Variants in DAB1 observed in about 807,000 individuals in gnomAD.
DAB1 encodes disabled homolog 1.
A neutral mutation model predicts 64.6 loss-of-function variants in DAB1; 15 were observed. The ratio of observed to expected loss-of-function variants is 0.23; its 90% CI spans 0.16 to 0.36. The LOEUF is 0.36. Among genes scored for constraint, DAB1 ranks in the 10% least tolerant of loss-of-function variants. The probability of loss-of-function intolerance (pLI) is 1.00; values close to 1 mark genes in which losing one functional copy is unlikely to be tolerated. For synonymous variants in DAB1, 235 were observed against 251.9 expected, an observed-to-expected ratio of 0.93 and a Z score of 0.64; for missense variants, 596 against 706.7, an observed-to-expected ratio of 0.84 and a Z score of 1.78.
At chr1:58,460,296 G>C (rs1645230854) in intron 3 of DAB1, among the ~76,000 whole-genome samples, 1 of 152,220 alleles carries the variant, frequency 6.6e-6, no homozygotes. Context: ...ATCTGTGGTA[G>C]AGATGCACAC....
intron 3 of DAB1, among the ~76,000 whole-genome samples, chr1:58,482,752 C>A (rs541600769): frequency 2.6e-5 from 4 of 152,132 alleles, no homozygotes; most frequent in Admixed American, 2.6e-4. Context: ...AAAAATCATT[C>A]CAAGAGGGAG....
At chr1:58,062,326 G>T (rs1648553446) in intron 5 of DAB1, among the ~76,000 whole-genome samples, 1 of 152,172 alleles carries the variant, frequency 6.6e-6, no homozygotes. Context: ...TAAGTAGTAA[G>T]ACAAGAATTA....
chr1:57,094,522 C>A (rs759519152), intron 4 of DAB1, among the ~76,000 whole-genome samples: 7 of 152,124 alleles, frequency 4.6e-5, no homozygotes, highest in Non-Finnish European at 1.5e-5. Context: ...AGGGAGGAGG[C>A]GAAGGGGGGA....
intron 12 of DAB1, among the ~76,000 whole-genome samples, chr1:57,013,961 C>CA (rs1646342829): frequency 1.3e-5 from 2 of 152,186 alleles, no homozygotes; most frequent in Non-Finnish European, 2.9e-5. Context: ...AAAACTGAGT[C>CA]TCAGAGAAGT....
chr1:58,489,989 G>A lies in DAB1; in HGVS notation n.257+16071C>T, dbSNP rs367613606. On this transcript the variant is annotated intron_variant and non_coding_transcript_variant, in intron 3 of 20. Coordinates refer to the DAB1 transcript ENST00000485760. Reference sequence around the variant, plus strand: ...AAGGTAGATAAAACCATAAAGATGGGGAAAAAACAGAGCAGAAAAACTGAA... The same window carrying A: ...AAGGTAGATAAAACCATAAAGATGGAGAAAAAACAGAGCAGAAAAACTGAA... 1.1e-4 allele frequency among the ~76,000 whole-genome samples: 17 copies of A among 152,218 alleles called. No homozygotes were observed. In the East Asian group the frequency reaches 3.1e-3, roughly 28 times the overall value.
chr1:58,170,190 C>T (rs752280571), intron 4 of DAB1, among the ~76,000 whole-genome samples: 11 of 152,202 alleles, frequency 7.2e-5, no homozygotes, highest in Middle Eastern at 3.4e-3. Context: ...ACTGGGACCT[C>T]GACTCAGATC....
chr1:57,008,107 C>T (rs1213186142), intron 14 of DAB1, among the ~76,000 whole-genome samples: 1 of 152,154 alleles, frequency 6.6e-6, no homozygotes, highest in East Asian at 1.9e-4. Context: ...TACAGTCCAG[C>T]CCTCCTCTGG....
rs752836786 is a variant in DAB1, at chr1:57,441,290, CT to C, written n.626-150125del. ...TTTCTTTCTCTTTCTTTCTTTCTTT[CT>C]TTCTTTCTTTCTTTCTTTCTTTCTT... On this transcript the variant is annotated intron_variant and non_coding_transcript_variant, in intron 7 of 20. Transcript: ENST00000485760. Among the ~76,000 whole-genome samples the C allele has an allele frequency of 9.6e-4, 27 of 28,134 alleles. 1 individual carries two copies. Among genetic ancestry groups the C allele is most frequent in the East Asian group, 8.1e-3 (9 of 1,114 alleles). The allele number at this position is 28,134 out of a possible 152,430, so 18.5% of individuals were successfully genotyped here. A position where few individuals can be genotyped will look rare whatever the true frequency, so the allele number is the denominator to read the frequency against.
chr1:58,198,661 C>T (rs1657825904), intron 4 of DAB1, among the ~76,000 whole-genome samples: 1 of 152,158 alleles, frequency 6.6e-6, no homozygotes, highest in Non-Finnish European at 1.5e-5. Context: ...GACATATGAC[C>T]CAGCCTGGCC....
chr1:58,243,937 A>C (rs907401589), intron 4 of DAB1, among the ~76,000 whole-genome samples: 19 of 152,074 alleles, frequency 1.2e-4, no homozygotes, highest in South Asian at 4.1e-4. Flanking sequence ...TTGACAATGA[A>C]AAAAAAACAC....
intron 3 of DAB1, among the ~76,000 whole-genome samples, chr1:58,442,179 G>T (rs1645018402): frequency 6.6e-6 from 1 of 152,214 alleles, no homozygotes; most frequent in Non-Finnish European, 1.5e-5. Context: ...ACGTATGTGT[G>T]CATGAATGCA....
intron 6 of DAB1, among the ~76,000 whole-genome samples, chr1:57,706,708 T>C (rs1352246554): frequency 6.6e-6 from 1 of 152,074 alleles, no homozygotes; most frequent in East Asian, 1.9e-4. Context: ...ACCAGGAAAT[T>C]TGTGCACTAG....
chr1:57,555,610 T>TG (rs1381155210), intron 7 of DAB1, among the ~76,000 whole-genome samples: 2 of 152,172 alleles, frequency 1.3e-5, no homozygotes, highest in African/African-American at 4.8e-5. Flanking sequence ...CTGTGCTCAC[T>TG]CTGGGCTCAG....
chr1:57,641,172 G>C (rs769749253), intron 7 of DAB1, among the ~76,000 whole-genome samples: 1 of 152,078 alleles, frequency 6.6e-6, no homozygotes, highest in Middle Eastern at 3.2e-3. Context: ...TGGGAGTGGA[G>C]GTGGGATGGG....
chr1:57,847,541 G>C (rs547566153), intron 1 of DAB1, among the ~76,000 whole-genome samples: 1 of 152,008 alleles, frequency 6.6e-6, no homozygotes, highest in Non-Finnish European at 1.5e-5. Flanking sequence ...GAGAGAAAAG[G>C]GGAATTGGTG....
chr1:57,264,999 G>T (rs1331032892), intron 2 of DAB1, among the ~76,000 whole-genome samples: 2 of 152,156 alleles, frequency 1.3e-5, no homozygotes, highest in Non-Finnish European at 2.9e-5. Context: ...GAATAGTGGA[G>T]GTTTCACCTT....
At chr1:57,077,645 T>G (rs1317008690) in intron 4 of DAB1, among the ~76,000 whole-genome samples, 2 of 152,232 alleles carry the variant, frequency 1.3e-5, no homozygotes, top group Non-Finnish European at 2.9e-5. Context: ...AGTGTTTAAA[T>G]GAAGTATCAA....
intron 7 of DAB1, among the ~76,000 whole-genome samples, chr1:57,446,177 GT>G (rs1395904098): frequency 6.6e-6 from 1 of 151,962 alleles, no homozygotes; most frequent in African/African-American, 2.4e-5. Context: ...GTTCTTTTTT[GT>G]CATTATGTCC....
At chr1:57,459,199 T>G (rs1441592730) in intron 7 of DAB1, among the ~76,000 whole-genome samples, 1 of 152,184 alleles carries the variant, frequency 6.6e-6, no homozygotes. Context: ...AACTCCATGT[T>G]TTTCACTTAA....
Sources: allele counts gnomAD v4.1 joint callset (sites outside exome capture counted in the v4.1 genomes callset), GRCh38; gene constraint gnomAD v4.1.1; transcripts MANE v1.5; gene names NCBI Gene and HGNC (gene_info 2026-07-23, HGNC 2026-07-21).